The following CACNA2D3 variants were observed in gnomAD, a reference collection of about 807,000 sequenced individuals.
CACNA2D3 encodes voltage-dependent calcium channel subunit alpha-2/delta-3.
CACNA2D3 carries 60 observed loss-of-function variants against 160.6 expected under a neutral mutation model. The observed-to-expected ratio is 0.37, with a 90% CI of 0.30 to 0.46. CACNA2D3 has a LOEUF of 0.46. CACNA2D3 is among the 20% of genes least tolerant of loss of function. The pLI is 1.00. For missense variants in CACNA2D3, 1,205 were observed against 1,365.0 expected, an observed-to-expected ratio of 0.88 and a Z score of 1.85; for synonymous variants, 558 against 492.9, an observed-to-expected ratio of 1.13 and a Z score of -1.75.
intron 2 of CACNA2D3, among the ~76,000 whole-genome samples, chr3:54,160,128 C>T (rs981252202): frequency 6.6e-6 from 1 of 152,104 alleles, no homozygotes; most frequent in East Asian, 1.9e-4. Flanking sequence ...AGTGGTTTTC[C>T]ACATGGTCTG....
chr3:54,793,172 C>G (rs1259848750), intron 13 of CACNA2D3, among the ~76,000 whole-genome samples: 1 of 152,186 alleles, frequency 6.6e-6, no homozygotes, highest in Non-Finnish European at 1.5e-5. Context: ...GCCAACCCAT[C>G]TCAACCATCC....
At chr3:54,676,760 G>A (rs1384799165) in intron 11 of CACNA2D3, among the ~76,000 whole-genome samples, 1 of 152,112 alleles carries the variant, frequency 6.6e-6, no homozygotes, top group African/African-American at 2.4e-5. Flanking sequence ...GGGGAGAGTG[G>A]CTTAATTAAA....
chr3:54,175,197 C>A (rs914548215), intron 2 of CACNA2D3, among the ~76,000 whole-genome samples: 1 of 152,100 alleles, frequency 6.6e-6, no homozygotes, highest in Non-Finnish European at 1.5e-5. Flanking sequence ...TTTTAAAATG[C>A]TTTTGAAGTG....
intron 17 of CACNA2D3, among the ~76,000 whole-genome samples, chr3:54,847,736 T>C (rs1317044177): frequency 6.6e-6 from 1 of 152,236 alleles, no homozygotes; most frequent in Middle Eastern, 3.2e-3. Context: ...AAAAGTCTGA[T>C]TGAAAAAGCG....
intron 5 of CACNA2D3, among the ~76,000 whole-genome samples, chr3:54,544,215 A>T (rs1011330506): frequency 1.3e-5 from 2 of 152,220 alleles, no homozygotes; most frequent in African/African-American, 4.8e-5. Context: ...TTAGAGAGTG[A>T]ATATTGAATA....
intron 17 of CACNA2D3, among the ~76,000 whole-genome samples, chr3:54,848,491 T>C (rs188278673): frequency 6.6e-6 from 1 of 152,308 alleles, no homozygotes; most frequent in East Asian, 1.9e-4. Context: ...AGCTGATCCA[T>C]GACAAGAACA....
intron 27 of CACNA2D3, among the ~76,000 whole-genome samples, chr3:54,943,226 A>G (rs995589345): frequency 5.9e-5 from 9 of 151,748 alleles, no homozygotes; most frequent in Non-Finnish European, 8.8e-5. Context: ...AATGAGAATA[A>G]TAACAATGTT....
intron 2 of CACNA2D3, among the ~76,000 whole-genome samples, chr3:54,163,241 C>T (rs960437626): frequency 2.0e-5 from 3 of 152,192 alleles, no homozygotes; most frequent in Non-Finnish European, 4.4e-5. Context: ...ACAACCAAAT[C>T]TCAGTGTCCT....
chr3:55,034,993 G>T (rs995836383), intron 35 of CACNA2D3, among the ~76,000 whole-genome samples: 4 of 151,920 alleles, frequency 2.6e-5, no homozygotes, highest in Admixed American at 6.6e-5. Flanking sequence ...TTCTTTCTCT[G>T]TTGCCTATTT....
chr3:55,050,472 C>G (rs1054524072), intron 35 of CACNA2D3, among the ~76,000 whole-genome samples: 3 of 151,332 alleles, frequency 2.0e-5, no homozygotes, highest in Non-Finnish European at 4.4e-5. Context: ...CCGAGAGATC[C>G]GCTGTTAGTC....
At chr3:54,781,920 C>T (rs1181798449) in intron 13 of CACNA2D3, among the ~76,000 whole-genome samples, 1 of 152,186 alleles carries the variant, frequency 6.6e-6, no homozygotes, top group Non-Finnish European at 1.5e-5. Flanking sequence ...CAGCTGAAGG[C>T]AAGACTGTTT....
At chr3:54,464,101 C>G (rs1198676014) in intron 4 of CACNA2D3, among the ~76,000 whole-genome samples, 1 of 152,184 alleles carries the variant, frequency 6.6e-6, no homozygotes, top group Non-Finnish European at 1.5e-5. Context: ...TCATGAACCA[C>G]GAATGCTGCT....
intron 11 of CACNA2D3, among the ~76,000 whole-genome samples, chr3:54,701,344 A>C (rs989845105): frequency 2.0e-5 from 3 of 152,248 alleles, no homozygotes; most frequent in African/African-American, 7.2e-5. Flanking sequence ...TACCATGTAC[A>C]GGAAGCCTAA....
chr3:54,402,917 T>C (rs1699497089), intron 4 of CACNA2D3, among the ~76,000 whole-genome samples: 1 of 152,182 alleles, frequency 6.6e-6, no homozygotes, highest in African/African-American at 2.4e-5. Flanking sequence ...AAGATTGGAA[T>C]CATATCAAGT....
chr3:54,797,779 C>G (rs1174986631), intron 13 of CACNA2D3, among the ~76,000 whole-genome samples: 3 of 152,164 alleles, frequency 2.0e-5, no homozygotes, highest in African/African-American at 7.2e-5. Flanking sequence ...AGAAAAAAGA[C>G]TTTTATAAAC....
At chr3:54,794,755 G>T (rs562542134) in intron 13 of CACNA2D3, among the ~76,000 whole-genome samples, 2 of 151,894 alleles carry the variant, frequency 1.3e-5, no homozygotes, top group East Asian at 3.9e-4. Flanking sequence ...TCTTTTTGAC[G>T]GGAAGTCACT....
intron 4 of CACNA2D3, among the ~76,000 whole-genome samples, chr3:54,500,508 C>CCTTCCTTCCTATCTTCCTTCCTTCCTAT (rs762109892): frequency 2.2e-5 from 2 of 90,188 alleles, no homozygotes; most frequent in African/African-American, 4.1e-5. Flanking sequence ...TTCCTATCTT[C>CCTTCCTTCCTATCTTCCTTCCTTCCTAT]CTTCCTTCCT....
At chr3:54,918,489 T>C (rs1375401929) in intron 27 of CACNA2D3, 2 of 1,613,814 alleles carry the variant, frequency 1.2e-6, no homozygotes, top group Non-Finnish European at 1.7e-6. Flanking sequence ...ATCGCTCTTT[T>C]TCTTCCACCT....
chr3:54,892,107 GCTAGTAGGTAGA>G (rs1379516976), intron 25 of CACNA2D3, among the ~76,000 whole-genome samples: 1 of 152,198 alleles, frequency 6.6e-6, no homozygotes, highest in African/African-American at 2.4e-5. Flanking sequence ...TTTCACCAGG[GCTAGTAGGTAGA>G]CTGTGAAGTC....
Sources: allele counts gnomAD v4.1 joint callset (sites outside exome capture counted in the v4.1 genomes callset), GRCh38; gene constraint gnomAD v4.1.1; transcripts MANE v1.5; gene names NCBI Gene and HGNC (gene_info 2026-07-23, HGNC 2026-07-21).